Variants in NXPH1 observed in about 807,000 individuals in gnomAD.
NXPH1 encodes the protein neurexophilin-1.
In NXPH1, 5 loss-of-function variants were observed where a neutral mutation model predicts 23.7. That is an observed-to-expected ratio of 0.21 (90% CI 0.11 to 0.44). The LOEUF (loss-of-function observed/expected upper bound fraction) is 0.44. Among genes scored for constraint, NXPH1 ranks in the 20% least tolerant of loss-of-function variants. NXPH1 has a pLI of 0.99. For synonymous variants in NXPH1, 144 were observed against 122.2 expected (o/e 1.18, Z -1.18); for missense variants, 324 against 321.6 (o/e 1.01, Z -0.06).
chr7:8,718,343 G>C (rs902064724), intron 2 of NXPH1, among the ~76,000 whole-genome samples: 1 of 152,116 alleles, frequency 6.6e-6, no homozygotes, highest in Non-Finnish European at 1.5e-5. Context: ...GAGCAGTGTA[G>C]CACCTGAGCA....
intron 2 of NXPH1, among the ~76,000 whole-genome samples, chr7:8,694,625 T>C (rs899092865): frequency 6.6e-6 from 1 of 152,234 alleles, no homozygotes; most frequent in African/African-American, 2.4e-5. Flanking sequence ...ATTTGATTGA[T>C]TTTTATATGT....
At chr7:8,613,996 C>A (rs1819676874) in intron 2 of NXPH1, among the ~76,000 whole-genome samples, 2 of 151,816 alleles carry the variant, frequency 1.3e-5, no homozygotes, top group African/African-American at 4.8e-5. Context: ...GGTTTTGTGT[C>A]TGTCCATAAT....
intron 2 of NXPH1, among the ~76,000 whole-genome samples, chr7:8,519,876 G>T (rs1817742459): frequency 6.6e-6 from 1 of 152,106 alleles, no homozygotes; most frequent in Admixed American, 6.5e-5. Context: ...AGGTGGACAT[G>T]TACTTGCATA....
chr7:8,692,999 T>A (rs926487829), intron 2 of NXPH1, among the ~76,000 whole-genome samples: 5 of 152,098 alleles, frequency 3.3e-5, no homozygotes, highest in African/African-American at 1.2e-4. Context: ...ACAGCTGATA[T>A]CTTGATTAAA....
At chr7:8,513,720 C>T (rs1468896715) in intron 2 of NXPH1, among the ~76,000 whole-genome samples, 1 of 152,062 alleles carries the variant, frequency 6.6e-6, no homozygotes, top group Non-Finnish European at 1.5e-5. Flanking sequence ...CTCTTGAATT[C>T]CCTTTGAGCT....
intron 2 of NXPH1, among the ~76,000 whole-genome samples, chr7:8,515,498 C>T (rs1817673136): frequency 6.6e-6 from 1 of 152,128 alleles, no homozygotes; most frequent in South Asian, 2.1e-4. Context: ...AAATGCTTCA[C>T]ATTCTTTGGA....
At chr7:8,587,740 G>T (rs1210793623) in intron 2 of NXPH1, among the ~76,000 whole-genome samples, 1 of 152,100 alleles carries the variant, frequency 6.6e-6, no homozygotes, top group Non-Finnish European at 1.5e-5. Context: ...GCGGTGTTTG[G>T]ATTTCTGTTC....
chr7:8,543,383 A>G (rs537925815), intron 2 of NXPH1, among the ~76,000 whole-genome samples: 2 of 151,738 alleles, frequency 1.3e-5, no homozygotes, highest in South Asian at 4.1e-4. Context: ...CTCCTACAGA[A>G]TTTCATAGAT....
intron 2 of NXPH1, among the ~76,000 whole-genome samples, chr7:8,466,603 T>C (rs551195477): frequency 1.0e-3 from 155 of 152,266 alleles, no homozygotes; most frequent in African/African-American, 3.7e-3. Flanking sequence ...TAAATTAACG[T>C]ATTCTTAGTT....
intron 2 of NXPH1, among the ~76,000 whole-genome samples, chr7:8,704,386 C>T (rs970802979): frequency 5.3e-5 from 8 of 151,952 alleles, no homozygotes; most frequent in South Asian, 2.1e-4. Context: ...CACCACCACA[C>T]GAGACACTGT....
At chr7:8,491,008 A>G (rs1397355404) in intron 2 of NXPH1, among the ~76,000 whole-genome samples, 1 of 152,094 alleles carries the variant, frequency 6.6e-6, no homozygotes, top group African/African-American at 2.4e-5. Flanking sequence ...GATTTCTTGT[A>G]GTGACACCTG....
chr7:8,706,921 G>A (rs1183585551), intron 2 of NXPH1, among the ~76,000 whole-genome samples: 1 of 152,124 alleles, frequency 6.6e-6, no homozygotes, highest in Non-Finnish European at 1.5e-5. Flanking sequence ...AGAAGGGGGT[G>A]AGTGATGAGA....
At chr7:8,662,161 C>T (rs1319897341) in intron 2 of NXPH1, among the ~76,000 whole-genome samples, 3 of 137,540 alleles carry the variant, frequency 2.2e-5, no homozygotes, top group Non-Finnish European at 4.6e-5. Flanking sequence ...TGAGACATGG[C>T]ATATGATTTT....
intron 2 of NXPH1, among the ~76,000 whole-genome samples, chr7:8,675,663 C>A (rs534165137): frequency 6.6e-6 from 1 of 152,154 alleles, no homozygotes; most frequent in East Asian, 1.9e-4. Context: ...GCACCTCGGA[C>A]AGATAGAGTG....
intron 2 of NXPH1, among the ~76,000 whole-genome samples, chr7:8,510,095 C>G (rs893409304): frequency 3.9e-5 from 6 of 152,092 alleles, no homozygotes; most frequent in Admixed American, 3.3e-4. Flanking sequence ...ATGGGTCTCT[C>G]TCAAGATGGC....
intron 2 of NXPH1, among the ~76,000 whole-genome samples, chr7:8,639,808 C>T (rs1820278543): frequency 6.6e-6 from 1 of 152,166 alleles, no homozygotes. Flanking sequence ...ACTTCTTCCT[C>T]ATTTTTCTTT....
At position 8,713,590 on chromosome 7, in the gene NXPH1, T is replaced by C. The variant is rs1168572577; in HGVS notation, c.55-37418T>C. Among the ~76,000 whole-genome samples the C allele has an allele frequency of 4.6e-5, 7 of 152,170 alleles. No individual in the cohort carries two copies. The East Asian group carries it at 1.2e-3, about 25-fold the overall frequency. On this transcript the variant is annotated intron_variant, in intron 2 of 2. Transcript: ENST00000405863. Reference sequence around the variant, plus strand: ...ACCTTGGCTTGTTTTTACCCGTCCTTCTTGGGAAGCCTTTCCAGGTATTCA... The same window carrying C: ...ACCTTGGCTTGTTTTTACCCGTCCTCCTTGGGAAGCCTTTCCAGGTATTCA...
intron 2 of NXPH1, among the ~76,000 whole-genome samples, chr7:8,515,850 A>G (rs1376309151): frequency 1.3e-5 from 2 of 152,120 alleles, no homozygotes; most frequent in Non-Finnish European, 2.9e-5. Flanking sequence ...TGAATTAAAT[A>G]CTAATTTTTC....
intron 2 of NXPH1, among the ~76,000 whole-genome samples, chr7:8,685,190 GTTATCCTTTA>G (rs1821128077): frequency 6.6e-6 from 1 of 150,556 alleles, no homozygotes; most frequent in East Asian, 1.9e-4. Flanking sequence ...ATAACTGAGA[GTTATCCTTTA>G]TTACGTGCAT....
Sources: gnomAD v4.1 joint callset for allele counts (sites outside exome capture counted in the v4.1 genomes callset) on GRCh38, gnomAD v4.1.1 for gene constraint, MANE v1.5 for transcripts, NCBI Gene and HGNC (gene_info 2026-07-23, HGNC 2026-07-21) for gene names.